Variants in PARP12 observed in about 807,000 individuals in gnomAD.
The protein encoded by PARP12 is poly(ADP-ribose) polymerase family member 12.
Under a neutral mutation model 72.4 loss-of-function variants are expected in PARP12, and 59 were observed. The ratio of observed to expected loss-of-function variants is 0.81; its 90% confidence interval spans 0.66 to 1.01. The LOEUF is 1.01. Ranked by LOEUF, PARP12 falls within the 50% of genes least tolerant of loss-of-function variation. The pLI, the probability that PARP12 is intolerant of heterozygous loss-of-function variation, is 0.00. For missense variants in PARP12, 851 were observed against 914.0 expected, an observed-to-expected ratio of 0.93 and a Z score of 0.89; for synonymous variants, 403 against 371.4, an observed-to-expected ratio of 1.09 and a Z score of -0.98.
At position 140,024,745 on chromosome 7, in the gene PARP12, C is replaced by T. The variant is rs762014085; in HGVS notation, c.1921G>A (p.Glu641Lys). 2.5e-6 allele frequency: 4 copies of T among 1,614,198 alleles called. No homozygotes were observed. Among genetic ancestry groups the T allele is most frequent in the Non-Finnish European group, 8.5e-7 (1 of 1,180,050 alleles). ...TCATAGAAGGCGTTGCTCCAGCCCT[C>T]CTTGGCCGGCGGACGGACAAAGGAG... ...NASFVRPPAK[E>K]GWSNAFYDSC... Residue 641 changes from glutamate to lysine, a missense_variant, in exon 12 of 12, where the codon GAG becomes AAG. This residue lies in a region of PARP12 where 347 missense variants were observed against 396.1 expected (regional missense o/e 0.88). Coordinates refer to ENST00000263549, the MANE Select transcript of PARP12 (RefSeq NM_022750.4).
Position 140,059,930 on chromosome 7 carries a change from G to A in PARP12, c.327-1896C>T, listed in dbSNP as rs370751932. Among the ~76,000 whole-genome samples, 33 of 152,334 alleles carry A rather than the reference G, an allele frequency of 2.2e-4. 2 individuals carry two copies. The South Asian group carries it at 6.8e-3, about 32-fold the overall frequency. ...CTGAGTGGAATACTTAAAGGGTGAG[G>A]AGGAGACAGCAAGAGAAAGGAAGAA... On this transcript the variant is annotated intron_variant, in intron 1 of 11. Transcript: ENST00000263549.
chr7:140,035,483 A>G (rs184421515), intron 7 of PARP12, among the ~76,000 whole-genome samples: 97 of 152,210 alleles, frequency 6.4e-4, no homozygotes, highest in Non-Finnish European at 1.2e-3. Context: ...CTTTTCCCTA[A>G]TTTACCCTTC....
intron 7 of PARP12, among the ~76,000 whole-genome samples, chr7:140,036,781 A>C (rs1816219209): frequency 6.6e-6 from 1 of 151,982 alleles, no homozygotes. Context: ...CGATACACTC[A>C]TGAGGAAATG....
rs1266092628 is a variant in PARP12 at position 140,062,617 on chromosome 7, C to A, written c.231G>T (p.Ala77=). 9 of 1,501,560 alleles carry A rather than the reference C, an allele frequency of 6.0e-6. No homozygotes were observed. The African/African-American group carries it at 7.2e-5, about 12-fold the overall frequency. 93.0% of individuals were successfully genotyped at this position (1,501,560 alleles called of 1,614,324 possible). ...LAASPLRLCR[A]HQGSKPGCVG... ...CGCAGCCCGGCTTGGAGCCCTGGTG[C>A]GCGCGACACAGGCGCAGCGGCGAGG... The change falls in exon 1 of 12, where the codon GCG becomes GCT. Residue 77 remains alanine (A), a synonymous_variant. Transcript: ENST00000263549.
intron 1 of PARP12, 125 bp downstream of exon 1, chr7:140,062,397 T>G: frequency 1.1e-6 from 1 of 949,376 alleles, no homozygotes; most frequent in South Asian, 1.7e-5. Context: ...TGAATGACGG[T>G]GCGAGGTCAG....
rs554174400 is a variant in PARP12, at chr7:140,060,168, A to T, written c.327-2134T>A. Among the ~76,000 whole-genome samples the T allele has an allele frequency of 1.6e-4, 24 of 152,328 alleles. No homozygotes were observed. The South Asian group carries it at 3.3e-3, about 21-fold the overall frequency. On this transcript the variant is annotated intron_variant, in intron 1 of 11. Coordinates refer to ENST00000263549, the MANE Select transcript of PARP12 (RefSeq NM_022750.4). ...TATCATTAACTCCACTTTGCAGATG[A>T]GGGAACTGAGACCTGGAGGTAAAGT...
At chr7:140,046,146 G>GA (rs1343593499) in intron 5 of PARP12, among the ~76,000 whole-genome samples, 2 of 152,338 alleles carry the variant, frequency 1.3e-5, no homozygotes, top group Admixed American at 1.3e-4. Flanking sequence ...GCCTCAAAAA[G>GA]AAAGATTGGG....
At chr7:140,051,467 C>T (rs548403107) in intron 4 of PARP12, among the ~76,000 whole-genome samples, 55 of 151,958 alleles carry the variant, frequency 3.6e-4, no homozygotes, top group Middle Eastern at 3.4e-3. Context: ...CTCGGCTCAC[C>T]GCAACCTCCA....
chr7:140,028,854 G>T, intron 8 of PARP12, 166 bp from the exon 9 acceptor site: 1 of 542,768 alleles, frequency 1.8e-6, no homozygotes, highest in Non-Finnish European at 3.2e-6. Flanking sequence ...TTCACAACAT[G>T]AGAGCACTTT....
rs758266435 is a variant in PARP12, at chr7:140,034,342, A to G, written c.1325-11T>C. ...TTTTCTGAACGAAGGCTGAAAAAAA[A>G]CATAACCAGTGAAAAAATATACATA... is the stretch of plus-strand genomic sequence containing the variant. On this transcript the variant is annotated splice_polypyrimidine_tract_variant and intron_variant, in intron 7 of 11. Transcript: ENST00000263549. 1 of 1,602,036 alleles carries G rather than the reference A, an allele frequency of 6.2e-7. No homozygotes were observed. The highest frequency in any genetic ancestry group is 8.5e-7 in the Non-Finnish European group (1 of 1,172,914).
At chr7:140,050,148 GAA>G (rs1585107162) in intron 4 of PARP12, among the ~76,000 whole-genome samples, 1 of 152,146 alleles carries the variant, frequency 6.6e-6, no homozygotes, top group South Asian at 2.1e-4. Context: ...GATATAAAAA[GAA>G]GAGAGAAAAA....
At chr7:140,047,751 G>C (rs1816792177) in intron 4 of PARP12, among the ~76,000 whole-genome samples, 1 of 151,946 alleles carries the variant, frequency 6.6e-6, no homozygotes, top group African/African-American at 2.4e-5. Flanking sequence ...CTCAGTAGCT[G>C]GGATTACAGG....
At position 140,025,017 on chromosome 7, in the gene PARP12, C is replaced by T. The variant is rs565210936; in HGVS notation, c.1781-132G>A. 5.2e-6 allele frequency: 4 copies of T among 762,618 alleles called. No homozygotes were observed. In the East Asian group the frequency reaches 1.1e-4, roughly 21 times the overall value. 47.2% of individuals were successfully genotyped at this position (762,618 alleles called of 1,614,324 possible). ...TTCCACCCCGCATCTCCCTCCCTCC[C>T]TCTGTGCCATGTCTCCACTCTCCCT... On this transcript the variant is annotated intron_variant, in intron 11 of 11. Coordinates refer to ENST00000263549, the MANE Select transcript of PARP12 (RefSeq NM_022750.4).
Position 140,027,297 on chromosome 7 carries a change from G to GACTTC in PARP12, c.1606_1607insGAAGT (p.Ala536GlyfsTer119), listed in dbSNP as rs1482282630. The GACTTC allele has an allele frequency of 1.2e-6, 2 of 1,613,770 alleles. No individual in the cohort carries two copies. ...GCACCACTGGTAGACTTCCCAGAGG[G>GACTTC]CCAGGTTCTGTACTCGCTCAATCTT... On this transcript the variant is annotated frameshift_variant, in exon 10 of 12. Coordinates refer to ENST00000263549, the MANE Select transcript of PARP12 (RefSeq NM_022750.4). LOFTEE classifies it high-confidence loss of function.
intron 5 of PARP12, among the ~76,000 whole-genome samples, chr7:140,045,590 A>G (rs369538189): frequency 2.0e-5 from 3 of 152,356 alleles, no homozygotes; most frequent in East Asian, 1.9e-4. Context: ...GCTTAAGCTC[A>G]GCTAAAAGTC....
At chr7:140,032,369 G>A (rs1815971991) in intron 8 of PARP12, among the ~76,000 whole-genome samples, 1 of 151,738 alleles carries the variant, frequency 6.6e-6, no homozygotes, top group Admixed American at 6.6e-5. Flanking sequence ...AAGAGACAGG[G>A]TCTCGCTATG....
At chr7:140,047,041 G>C (rs764064598) in intron 4 of PARP12, 34 bp from the exon 5 acceptor site, 1 of 1,590,458 alleles carries the variant, frequency 6.3e-7, no homozygotes, top group Non-Finnish European at 8.6e-7. Flanking sequence ...AAGATAGCTG[G>C]GCAATACACA....
chr7:140,058,911 C>T (rs974440356), intron 1 of PARP12, among the ~76,000 whole-genome samples: 8 of 151,946 alleles, frequency 5.3e-5, no homozygotes, highest in Admixed American at 2.6e-4. Flanking sequence ...GCCTGGCCAA[C>T]ATGAAGAAAA....
intron 1 of PARP12, among the ~76,000 whole-genome samples, chr7:140,059,924 G>C (rs1304228217): frequency 6.6e-6 from 1 of 152,290 alleles, no homozygotes; most frequent in East Asian, 1.9e-4. Context: ...ATACTTAAAG[G>C]GTGAGGAGGA....
Sources: allele counts gnomAD v4.1 joint callset (sites outside exome capture counted in the v4.1 genomes callset), GRCh38; gene constraint gnomAD v4.1.1; regional missense constraint gnomAD v4.1.1; transcripts MANE v1.5; gene names NCBI Gene and HGNC (gene_info 2026-07-23, HGNC 2026-07-21).